Variants in SRCAP observed in about 807,000 individuals in gnomAD.
SRCAP encodes the protein chromatin remodeling protein SRCAP.
Under a neutral mutation model 263.1 loss-of-function variants are expected in SRCAP, and 46 were observed. The observed-to-expected ratio is 0.17, with a 90% confidence interval of 0.14 to 0.22. The LOEUF (loss-of-function observed/expected upper bound fraction) is 0.22. Among genes scored for constraint, SRCAP ranks in the 10% least tolerant of loss-of-function variants. The pLI, the probability that SRCAP is intolerant of heterozygous loss-of-function variation, is 1.00. For synonymous variants in SRCAP, 1,813 were observed against 1,662.1 expected, an observed-to-expected ratio of 1.09 and a Z score of -2.21; for missense variants, 3,695 against 4,181.9, an observed-to-expected ratio of 0.88 and a Z score of 3.21.
chr16:30,738,195 C>A lies in SRCAP; in HGVS notation c.8155C>A (p.Pro2719Thr), dbSNP rs551688686. 6.2e-7 allele frequency: 1 copy of A among 1,614,186 alleles called. No homozygotes were observed. Among genetic ancestry groups the A allele is most frequent in the South Asian group, 1.1e-5 (1 of 91,082 alleles). The part of the protein sequence containing the change: ...SSPEGPSPAR[P>T]PRRRTSADVE... ...GCCTGAGGGTCCTTCACCTGCCCGACCTCCTCGGCGTCGCACCAGTGCTGA... is the reference window on the plus strand; with the variant it reads ...GCCTGAGGGTCCTTCACCTGCCCGAACTCCTCGGCGTCGCACCAGTGCTGA... Residue 2719 changes from proline to threonine, a missense_variant, in exon 34 of 34, where the codon CCT becomes ACT. Coordinates refer to ENST00000262518, the MANE Select transcript of SRCAP (RefSeq NM_006662.3).
intron 3 of SRCAP, 141 bp from the exon 4 acceptor site, chr16:30,703,923 C>T (rs559113048): frequency 7.6e-6 from 8 of 1,045,950 alleles, no homozygotes; most frequent in African/African-American, 3.2e-5. Flanking sequence ...AACTTTATCC[C>T]GAACGTTTGT....
intron 16 of SRCAP, among the ~76,000 whole-genome samples, chr16:30,714,806 C>T (rs111657502): frequency 1.3e-5 from 2 of 152,118 alleles, no homozygotes; most frequent in Non-Finnish European, 2.9e-5. Flanking sequence ...CGTTCCCAGC[C>T]TGTTTGTTTT....
chr16:30,717,246 T>C (rs1048812262), intron 18 of SRCAP, among the ~76,000 whole-genome samples: 1 of 152,176 alleles, frequency 6.6e-6, no homozygotes, highest in African/African-American at 2.4e-5. Context: ...ATTGGCCACT[T>C]GTCTATATTT....
At position 30,724,941 on chromosome 16, in the gene SRCAP, C is replaced by T. The variant is rs1157117010; in HGVS notation, c.5517C>T (p.Ser1839=). Residue 1839 remains serine (S), a synonymous_variant, in exon 25 of 34, where the codon TCC becomes TCT. Transcript: ENST00000262518. ...GAAPLPVTMV[S]RLPVSKDEPD... ...CTCCCTTGCCTGTCACCATGGTATCCCGGCTGCCTGTTTCCAAGGATGAGC... is the reference window on the plus strand; with the variant it reads ...CTCCCTTGCCTGTCACCATGGTATCTCGGCTGCCTGTTTCCAAGGATGAGC... The T allele has an allele frequency of 6.2e-7, 1 of 1,614,222 alleles. No individual in the cohort carries two copies. Among genetic ancestry groups the T allele is most frequent in the East Asian group, 2.2e-5 (1 of 44,882 alleles).
intron 4 of SRCAP, among the ~76,000 whole-genome samples, chr16:30,704,883 T>G (rs571576463): frequency 6.6e-6 from 1 of 152,142 alleles, no homozygotes; most frequent in African/African-American, 2.4e-5. Context: ...CTTTGTAAAC[T>G]GTGATGCTCT....
At position 30,729,160 on chromosome 16, in the gene SRCAP, T is replaced by C. The variant is rs753809295; in HGVS notation, c.5853T>C (p.Tyr1951=). 20 of 1,614,010 alleles carry C rather than the reference T, an allele frequency of 1.2e-5. No individual in the cohort carries two copies. Among genetic ancestry groups the C allele is most frequent in the East Asian group, 4.5e-5 (2 of 44,880 alleles). ...PGPSHPTFWT[Y]TEAAHRAVLF... ...CCAGCCACCCCACCTTTTGGACTTA[T>C]ACCGAGGCTGCCCACCGGGCTGTAC... The change falls in exon 26 of 34, where the codon TAT becomes TAC. Residue 1951 remains tyrosine, a synonymous_variant. Transcript: ENST00000262518.
Position 30,716,378 on chromosome 16 carries a change from C to T in SRCAP, c.2716C>T (p.Leu906=), listed in dbSNP as rs1371010961. Residue 906 remains leucine, a synonymous_variant, in exon 18 of 34, where the codon CTG becomes TTG. Coordinates refer to ENST00000262518, the MANE Select transcript of SRCAP (RefSeq NM_006662.3). The stretch of plus-strand genomic sequence containing the variant: ...GAGAAAAGTTTGCAATCATCCAAAT[C>T]TGTTCGACCCTCGACCGGTTACCTC... ...QLRKVCNHPN[L]FDPRPVTSPF... is the part of the protein sequence containing the mutation. 5 of 1,614,236 alleles carry T rather than the reference C, an allele frequency of 3.1e-6. No homozygotes were observed. In the East Asian group the frequency reaches 8.9e-5, roughly 29 times the overall value.
Position 30,712,787 on chromosome 16 carries a change from C to T in SRCAP, c.2102C>T (p.Ala701Val). 6.2e-7 allele frequency: 1 copy of T among 1,614,066 alleles called. No individual in the cohort carries two copies. The highest frequency in any genetic ancestry group is 8.5e-7 in the Non-Finnish European group (1 of 1,180,010). Residue 701 changes from alanine (A) to valine (V), a missense_variant, in exon 14 of 34, where the codon GCC (alanine) becomes GTC (valine). Around this residue, in one of 12 missense-constraint regions of SRCAP, gnomAD observed 121 missense variants for 330.7 expected, o/e 0.37. Transcript: ENST00000262518. ...TTTAAAATCCTCACTTACTATGGAG[C>T]CCAGAAAGAGAGGAAGCTCAAGCGG... The part of the protein sequence containing the change: ...PSFKILTYYG[A>V]QKERKLKRQG...
chr16:30,738,627 C>A lies in SRCAP; in HGVS notation c.8587C>A (p.Pro2863Thr). 1 of 1,604,820 alleles carries A rather than the reference C, an allele frequency of 6.2e-7. No homozygotes were observed. The highest frequency in any genetic ancestry group is 1.1e-5 in the South Asian group (1 of 90,050). The change falls in exon 34 of 34, where the codon CCC becomes ACC. Residue 2863 changes from proline to threonine, a missense_variant. Pro to Thr is a conservative substitution (Grantham distance 38, BLOSUM62 -1). Coordinates refer to ENST00000262518, the MANE Select transcript of SRCAP (RefSeq NM_006662.3). ...PPAVKRRRGR[P>T]PKKNRSPADA... The stretch of plus-strand genomic sequence containing the variant: ...TGCTGTGAAACGTCGGAGGGGGAGG[C>A]CCCCCAAGAAGAACAGGTCTCCAGC...
At chr16:30,736,933 C>T (rs1202323169) in intron 33 of SRCAP, 116 bp from the exon 34 acceptor site, 2 of 1,218,964 alleles carry the variant, frequency 1.6e-6, no homozygotes, top group Admixed American at 2.3e-5. Flanking sequence ...CTTAACTTCC[C>T]CAAGTGCTGG....
In SRCAP at chr16:30,722,853, C is replaced by T. The variant is rs1329332865; in HGVS notation, c.3892+105C>T. On this transcript the variant is annotated intron_variant, in intron 23 of 33. Coordinates refer to ENST00000262518, the MANE Select transcript of SRCAP (RefSeq NM_006662.3). Reference sequence around the variant, plus strand: ...CTTCCCTCAGTGTTGTTTTCCCTTGCGAATATCTATGATACCTGTCTGCCA... The same window carrying T: ...CTTCCCTCAGTGTTGTTTTCCCTTGTGAATATCTATGATACCTGTCTGCCA... The T allele has an allele frequency of 1.2e-5, 19 of 1,544,294 alleles. 1 individual carries two copies. The highest frequency in any genetic ancestry group is 9.9e-5 in the South Asian group (8 of 80,470).
In SRCAP at chr16:30,722,563, G is replaced by A. The variant is rs932535447; in HGVS notation, c.3707G>A (p.Arg1236Lys). The stretch of plus-strand genomic sequence containing the variant: ...CTCTTTCTCTCTTCCCTTAACCCAG[G>A]GAATGTGGTGCACCTCGTGTCAGCA... ...LAVGQPRPLQ[R>K]NVVHLVSAGG... is the part of the protein sequence containing the mutation. The change falls in exon 23 of 34, where the codon AGG (arginine) becomes AAG (lysine). Residue 1236 changes from arginine to lysine, a missense_variant and splice_region_variant. Physicochemically the swap from Arg to Lys is conservative, Grantham distance 26. Coordinates refer to ENST00000262518, the MANE Select transcript of SRCAP (RefSeq NM_006662.3). 1 of 1,613,726 alleles carries A rather than the reference G, an allele frequency of 6.2e-7. No homozygotes were observed.
In SRCAP at chr16:30,738,287, G is replaced by C. The variant is rs750918260; in HGVS notation, c.8247G>C (p.Lys2749Asn). 2 of 1,603,346 alleles carry C rather than the reference G, an allele frequency of 1.2e-6. No individual in the cohort carries two copies. The highest frequency in any genetic ancestry group is 1.7e-6 in the Non-Finnish European group (2 of 1,173,992). ...GQPPGPKVLR[K>N]LPGRLVTVVE... The stretch of plus-strand genomic sequence containing the variant: ...CACCAGGCCCCAAAGTGCTTCGAAA[G>C]CTGCCAGGACGGCTGGTAACTGTGG... The change falls in exon 34 of 34, where the codon AAG (lysine) becomes AAC (asparagine). Residue 2749 changes from lysine (K) to asparagine (N), a missense_variant. This residue lies in a region of SRCAP where 1,207 missense variants were observed against 1,142.9 expected (regional missense o/e 1.06). Coordinates refer to ENST00000262518, the MANE Select transcript of SRCAP (RefSeq NM_006662.3).
intron 2 of SRCAP, among the ~76,000 whole-genome samples, chr16:30,700,256 C>T (rs562360268): frequency 1.3e-5 from 2 of 152,306 alleles, no homozygotes; most frequent in African/African-American, 4.8e-5. Context: ...CACTTTTTTA[C>T]TGTGTAACCT....
intron 19 of SRCAP, 112 bp from the exon 20 acceptor site, chr16:30,720,601 C>T: frequency 7.6e-7 from 1 of 1,314,798 alleles, no homozygotes; most frequent in Non-Finnish European, 1.0e-6. Context: ...GGTCTCTTTC[C>T]TTTTCTTTGC....
At position 30,724,585 on chromosome 16, in the gene SRCAP, G is replaced by C. The variant is rs776319241; in HGVS notation, c.5161G>C (p.Ala1721Pro). 12 of 1,614,010 alleles carry C rather than the reference G, an allele frequency of 7.4e-6. No individual in the cohort carries two copies. The Admixed American group carries it at 1.8e-4, about 25-fold the overall frequency. ...FPTQTLSLTPASSLVPTPAQT... is the reference protein window; with the variant it reads ...FPTQTLSLTPPSSLVPTPAQT... The stretch of plus-strand genomic sequence containing the variant: ...AACTCAGACATTGTCATTAACTCCA[G>C]CATCATCCCTGGTACCAACTCCAGC... Residue 1721 changes from alanine (A) to proline (P), a missense_variant, in exon 25 of 34, where the codon GCA becomes CCA. By Grantham distance (27) the Ala-to-Pro change is conservative (BLOSUM62 -1). Around this residue, in one of 12 missense-constraint regions of SRCAP, gnomAD observed 1,347 missense variants for 1,304.4 expected, o/e 1.03. Coordinates refer to ENST00000262518, the MANE Select transcript of SRCAP (RefSeq NM_006662.3).
chr16:30,712,432 T>G lies in SRCAP; in HGVS notation c.1986T>G (p.Cys662Trp), dbSNP rs1338231471. The G allele has an allele frequency of 1.3e-6, 2 of 1,574,392 alleles. No individual in the cohort carries two copies. Among genetic ancestry groups the G allele is most frequent in the Non-Finnish European group, 1.7e-6 (2 of 1,162,342 alleles). ...TCTCTCTGCTTGCCCACTTGGCTTG[T>G]GAGAAAGGTAAGTAGGCAAGGCCCC... The part of the protein sequence containing the change: ...QTISLLAHLA[C>W]EKGNWGPHLI... The change falls in exon 13 of 34, where the codon TGT (cysteine) becomes TGG (tryptophan). Residue 662 changes from cysteine to tryptophan, a missense_variant. Coordinates refer to ENST00000262518, the MANE Select transcript of SRCAP (RefSeq NM_006662.3).
At chr16:30,717,558 C>G (rs973745391) in intron 18 of SRCAP, among the ~76,000 whole-genome samples, 1 of 150,960 alleles carries the variant, frequency 6.6e-6, no homozygotes, top group Non-Finnish European at 1.5e-5. Flanking sequence ...ATAGTCCTCC[C>G]GCCTCAGCCT....
chr16:30,738,831 C>T lies in SRCAP; in HGVS notation c.8791C>T (p.Leu2931=). ...PQPVHRPNPL[L]SPVEKRRRGR... is the part of the protein sequence containing the mutation. ...GCCAGTTCACAGACCCAATCCCCTC[C>T]TGTCACCTGTGGAGAAAAGAAGGCG... is the stretch of plus-strand genomic sequence containing the variant. The change falls in exon 34 of 34, where the codon CTG becomes TTG. Residue 2931 remains leucine, a synonymous_variant. Transcript: ENST00000262518. 6.2e-7 allele frequency: 1 copy of T among 1,614,136 alleles called. No homozygotes were observed.
Sources: allele counts gnomAD v4.1 joint callset (sites outside exome capture counted in the v4.1 genomes callset), GRCh38; gene constraint gnomAD v4.1.1; regional missense constraint gnomAD v4.1.1; transcripts MANE v1.5; gene names NCBI Gene and HGNC (gene_info 2026-07-23, HGNC 2026-07-21).